The following CLNK variants were observed in gnomAD, a reference collection of about 807,000 sequenced individuals.
The protein encoded by CLNK is cytokine dependent hematopoietic cell linker, also known as cytokine-dependent hematopoietic cell linker.
In CLNK, 74 loss-of-function variants were observed where a neutral mutation model predicts 68.6. The observed-to-expected ratio is 1.08, with a 90% CI of 0.89 to 1.31. The LOEUF (loss-of-function observed/expected upper bound fraction) is 1.31. Ranked by LOEUF, CLNK falls within the 50% of genes most tolerant of loss-of-function variation. The probability of loss-of-function intolerance (pLI) is 0.00; values close to 1 mark genes in which losing one functional copy is unlikely to be tolerated. For missense variants in CLNK, 553 were observed against 515.3 expected, an observed-to-expected ratio of 1.07 and a Z score of -0.71; for synonymous variants, 198 against 172.2, an observed-to-expected ratio of 1.15 and a Z score of -1.17.
At chr4:10,532,045 G>A (rs1275149338) in intron 12 of CLNK, among the ~76,000 whole-genome samples, 1 of 152,190 alleles carries the variant, frequency 6.6e-6, no homozygotes, top group South Asian at 2.1e-4. Flanking sequence ...AATGACCATG[G>A]TGGCCAAACA....
chr4:10,575,482 C>T (rs187938699), intron 4 of CLNK, among the ~76,000 whole-genome samples: 13 of 152,382 alleles, frequency 8.5e-5, no homozygotes, highest in Admixed American at 2.0e-4. Flanking sequence ...GCCTCTCCAG[C>T]GCTGTTCCTC....
intron 1 of CLNK, among the ~76,000 whole-genome samples, chr4:10,672,712 A>T (rs1039447580): frequency 2.6e-5 from 4 of 152,222 alleles, no homozygotes; most frequent in African/African-American, 9.6e-5. Context: ...CAATTGTTTT[A>T]GGGAAAAGCC....
At chr4:10,722,985 A>G in the CLNK span, among the ~76,000 whole-genome samples, 203 of 151,792 alleles carry the variant, frequency 1.3e-3, no homozygotes, top group Non-Finnish European at 2.2e-3. Flanking sequence ...GGGAGGTTGC[A>G]GTTAGCTGAG....
At chr4:10,717,270 C>G in the CLNK span, among the ~76,000 whole-genome samples, 1 of 152,146 alleles carries the variant, frequency 6.6e-6, no homozygotes, top group Non-Finnish European at 1.5e-5. Flanking sequence ...GTTTCTCTCC[C>G]TCCTCATTGG....
rs1720247944 is a variant in CLNK at position 10,569,268 on chromosome 4, CA to C, written c.150+2472del. On this transcript the variant is annotated intron_variant, in intron 5 of 18. Coordinates refer to ENST00000226951, the MANE Select transcript of CLNK (RefSeq NM_052964.4). ...CAGGTTACAGACCATTGGTACTGCA[CA>C]ACATTTGAGGGTGGGGTTCTTATCT... 2.0e-5 allele frequency among the ~76,000 whole-genome samples: 3 copies of C among 149,082 alleles called. No individual in the cohort carries two copies. In the South Asian group the frequency reaches 6.3e-4, roughly 31 times the overall value.
chr4:10,490,530 G>T lies in CLNK; in HGVS notation c.1224C>A (p.Val408=). 1 of 1,610,640 alleles carries T rather than the reference G, an allele frequency of 6.2e-7. No homozygotes were observed. The highest frequency in any genetic ancestry group is 8.5e-7 in the Non-Finnish European group (1 of 1,178,400). ...GAGTGAGGTGACACTGTTTCCTGTG[G>T]ACCCCAGTTTTATCTTTCCCATCAA... is the stretch of plus-strand genomic sequence containing the variant. ...ILIDGKDKTG[V]HRKQCHLTQP... is the part of the protein sequence containing the mutation. Residue 408 remains valine, a synonymous_variant, in exon 19 of 19, where the codon GTC becomes GTA. Transcript: ENST00000226951.
chr4:10,639,604 A>C (rs1379478384), intron 2 of CLNK, among the ~76,000 whole-genome samples: 5 of 152,164 alleles, frequency 3.3e-5, no homozygotes, highest in Admixed American at 3.3e-4. Context: ...CTAGATTTTT[A>C]CTCTCCAATA....
chr4:10,522,944 G>A (rs1049778239), intron 14 of CLNK, among the ~76,000 whole-genome samples: 1 of 152,170 alleles, frequency 6.6e-6, no homozygotes. Context: ...ATGTGCAAAG[G>A]CCCAGAGGCA....
intron 11 of CLNK, 93 bp downstream of exon 11, chr4:10,540,401 G>T (rs189728777): frequency 8.4e-5 from 74 of 885,220 alleles, no homozygotes; most frequent in Non-Finnish European, 1.3e-4. Context: ...TAGGGAGCCT[G>T]CTCTGAAAGG....
At chr4:10,709,074 C>T in the CLNK span, among the ~76,000 whole-genome samples, 1 of 152,150 alleles carries the variant, frequency 6.6e-6, no homozygotes, top group African/African-American at 2.4e-5. Flanking sequence ...ATAAAAGCTT[C>T]ATATTAATAA....
At chr4:10,702,622 C>T in the CLNK span, among the ~76,000 whole-genome samples, 2 of 152,294 alleles carry the variant, frequency 1.3e-5, no homozygotes, top group East Asian at 3.9e-4. Flanking sequence ...CAGGAAAGAG[C>T]ATTCTGGAGG....
Position 10,542,284 on chromosome 4 carries a change from A to C in CLNK, c.446-4T>G, listed in dbSNP as rs772354729. The C allele has an allele frequency of 7.2e-6, 11 of 1,533,542 alleles. No homozygotes were observed. Among genetic ancestry groups the C allele is most frequent in the Non-Finnish European group, 8.9e-6 (10 of 1,121,454 alleles). The allele number at this position is 1,533,542 out of a possible 1,614,324, so 95.0% of individuals were successfully genotyped here. A position where few individuals can be genotyped will look rare whatever the true frequency, so the allele number is the denominator to read the frequency against. On this transcript the variant is annotated splice_region_variant and splice_polypyrimidine_tract_variant and intron_variant, in intron 8 of 18. Coordinates refer to ENST00000226951, the MANE Select transcript of CLNK (RefSeq NM_052964.4). Reference sequence around the variant, plus strand: ...TTCTTTCTTACGGATGCATCTCCTAAAACATAAGAGGGAATAGCAGTGAAT... The same window carrying C: ...TTCTTTCTTACGGATGCATCTCCTACAACATAAGAGGGAATAGCAGTGAAT...
chr4:10,560,114 C>G (rs898170214), intron 7 of CLNK, among the ~76,000 whole-genome samples: 19 of 152,186 alleles, frequency 1.2e-4, no homozygotes, highest in South Asian at 4.1e-4. Context: ...TCAGACCCCT[C>G]CAATGGCACT....
intron 2 of CLNK, among the ~76,000 whole-genome samples, chr4:10,598,997 A>C (rs558216354): frequency 3.3e-5 from 5 of 152,280 alleles, no homozygotes; most frequent in African/African-American, 9.6e-5. Flanking sequence ...TCTTATTAAC[A>C]ACAACTCTTA....
At chr4:10,707,653 T>C in the CLNK span, among the ~76,000 whole-genome samples, 6 of 152,206 alleles carry the variant, frequency 3.9e-5, no homozygotes, top group African/African-American at 1.4e-4. Flanking sequence ...TTGAGATGGT[T>C]CCCTGGGCCA....
intron 4 of CLNK, among the ~76,000 whole-genome samples, chr4:10,578,099 G>A (rs554737501): frequency 6.6e-6 from 1 of 152,292 alleles, no homozygotes; most frequent in Admixed American, 6.5e-5. Context: ...AGAAGTTTTG[G>A]TCCATGGAAT....
chr4:10,635,539 CG>C (rs1560254908), intron 2 of CLNK, among the ~76,000 whole-genome samples: 1 of 150,392 alleles, frequency 6.6e-6, no homozygotes, highest in African/African-American at 2.5e-5. Context: ...ATGTGGAAAG[CG>C]ACTGTCTGAA....
chr4:10,571,821 T>C, intron 4 of CLNK, 43 bp from the exon 5 acceptor site: 1 of 1,530,192 alleles, frequency 6.5e-7, no homozygotes, highest in African/African-American at 1.4e-5. Flanking sequence ...ATCACTGTGG[T>C]AGCTCCAAAC....
the CLNK span, among the ~76,000 whole-genome samples, chr4:10,708,959 G>A: frequency 6.6e-6 from 1 of 152,186 alleles, no homozygotes; most frequent in Admixed American, 6.5e-5. Flanking sequence ...TCTAGAAAAT[G>A]AAGAGATCTA....
Sources: allele counts gnomAD v4.1 joint callset (sites outside exome capture counted in the v4.1 genomes callset), GRCh38; gene constraint gnomAD v4.1.1; transcripts MANE v1.5; gene names NCBI Gene and HGNC (gene_info 2026-07-23, HGNC 2026-07-21).